Variants in CARD19 observed in about 807,000 individuals in gnomAD.
CARD19 encodes the protein caspase recruitment domain family member 19.
A neutral mutation model predicts 24.1 loss-of-function variants in CARD19; 25 were observed. The observed-to-expected ratio is 1.04, with a 90% CI of 0.76 to 1.45. The LOEUF (loss-of-function observed/expected upper bound fraction) is 1.45. Among genes scored for constraint, CARD19 ranks in the 40% most tolerant of loss-of-function variants. The pLI is 0.00. For synonymous variants in CARD19, 103 were observed against 104.9 expected, an observed-to-expected ratio of 0.98 and a Z score of 0.11; for missense variants, 241 against 247.4, an observed-to-expected ratio of 0.97 and a Z score of 0.17.
chr9:93,100,470 C>T (rs1239204943), intron 1 of CARD19, among the ~76,000 whole-genome samples: 2 of 152,256 alleles, frequency 1.3e-5, no homozygotes, highest in Non-Finnish European at 2.9e-5. Context: ...CCACCGCGCC[C>T]AGCCTTCATT....
At chr9:93,100,760 T>C (rs980956514) in intron 1 of CARD19, among the ~76,000 whole-genome samples, 5 of 152,174 alleles carry the variant, frequency 3.3e-5, no homozygotes. Context: ...CTGTATTCTA[T>C]TTTCTGTCTC....
chr9:93,112,349 G>T, intron 5 of CARD19, 60 bp downstream of exon 5: 1 of 1,468,040 alleles, frequency 6.8e-7, no homozygotes, highest in African/African-American at 1.4e-5. Context: ...CCAAGCCAGG[G>T]CCCCAGACCC....
intron 1 of CARD19, among the ~76,000 whole-genome samples, chr9:93,106,821 G>A (rs1827282194): frequency 6.6e-6 from 1 of 152,024 alleles, no homozygotes; most frequent in Admixed American, 6.6e-5. Flanking sequence ...GGGGAAACAG[G>A]ACAAGCTGCC....
intron 3 of CARD19, 176 bp downstream of exon 3, chr9:93,110,897 A>G: frequency 6.5e-7 from 1 of 1,533,244 alleles, no homozygotes; most frequent in Non-Finnish European, 8.7e-7. Flanking sequence ...CCGAGGGGAG[A>G]GTGTGGCAGG....
At chr9:93,110,338 C>T in intron 2 of CARD19, 1 of 652,004 alleles carries the variant, frequency 1.5e-6, no homozygotes, top group Non-Finnish European at 2.5e-6. Flanking sequence ...TGTTTCCCAA[C>T]CTCCCACCCC....
chr9:93,102,255 A>T (rs1426781184), intron 1 of CARD19, among the ~76,000 whole-genome samples: 1 of 152,140 alleles, frequency 6.6e-6, no homozygotes, highest in Non-Finnish European at 1.5e-5. Flanking sequence ...TACAGGTGTG[A>T]GCCACTGCAC....
intron 1 of CARD19, among the ~76,000 whole-genome samples, chr9:93,105,202 G>A (rs1298191119): frequency 4.9e-5 from 1 of 20,220 alleles, no homozygotes; most frequent in Non-Finnish European, 8.1e-4. Flanking sequence ...GTGTGCGTGT[G>A]TGTGTGTGTG....
chr9:93,101,671 T>A (rs1055105863), intron 1 of CARD19, among the ~76,000 whole-genome samples: 1 of 151,172 alleles, frequency 6.6e-6, no homozygotes, highest in Non-Finnish European at 1.5e-5. Flanking sequence ...ATCTCCTGAC[T>A]GCATGATCTG....
intron 4 of CARD19, 89 bp from the exon 5 acceptor site, chr9:93,112,129 C>A: frequency 7.1e-7 from 1 of 1,401,236 alleles, no homozygotes. Context: ...CTCAGCCTGG[C>A]ACCCCCACTC....
At chr9:93,103,916 T>A (rs1238888655) in intron 1 of CARD19, among the ~76,000 whole-genome samples, 1 of 152,262 alleles carries the variant, frequency 6.6e-6, no homozygotes, top group Non-Finnish European at 1.5e-5. Context: ...CATTAGGTTC[T>A]ATCTCTCAGT....
Position 93,096,408 on chromosome 9 carries a change from G to A in CARD19, c.7+56G>A. On this transcript the variant is annotated intron_variant, in intron 1 of 5. Coordinates refer to ENST00000375464, the MANE Select transcript of CARD19 (RefSeq NM_032310.5). This position sits in a 1 kb window ranked among gnomAD's most constrained non-coding sequence, Gnocchi z 5.4. Reference sequence around the variant, plus strand: ...TGCGGGCGCCCTGGATGGGTGGCCCGGCCCGGGGGTCCGGCTGCCTTGCGA... The same window carrying A: ...TGCGGGCGCCCTGGATGGGTGGCCCAGCCCGGGGGTCCGGCTGCCTTGCGA... 1 of 1,220,780 alleles carries A rather than the reference G, an allele frequency of 8.2e-7. No homozygotes were observed. The highest frequency in any genetic ancestry group is 1.0e-6 in the Non-Finnish European group (1 of 979,904). The allele number at this position is 1,220,780 out of a possible 1,614,324, so 75.6% of individuals were successfully genotyped here. A position where few individuals can be genotyped will look rare whatever the true frequency, so the allele number is the denominator to read the frequency against.
At chr9:93,103,960 G>A (rs1384541834) in intron 1 of CARD19, among the ~76,000 whole-genome samples, 1 of 152,182 alleles carries the variant, frequency 6.6e-6, no homozygotes, top group Admixed American at 6.6e-5. Context: ...TCCAATACAT[G>A]CTTGTTGACA....
At chr9:93,110,779 G>C (rs1248525221) in intron 3 of CARD19, 58 bp downstream of exon 3, 17 of 1,560,226 alleles carry the variant, frequency 1.1e-5, no homozygotes, top group Non-Finnish European at 1.5e-5. Context: ...GGGCACCCCA[G>C]CCTGCCGTTG....
intron 3 of CARD19, chr9:93,110,987 A>G (rs1181861659): frequency 6.6e-7 from 1 of 1,504,990 alleles, no homozygotes; most frequent in East Asian, 2.6e-5. Flanking sequence ...GTTTTCACAC[A>G]GCATGGGGCA....
chr9:93,098,152 T>C lies in CARD19; in HGVS notation c.7+1800T>C, dbSNP rs564336243. On this transcript the variant is annotated intron_variant, in intron 1 of 5. Transcript: ENST00000375464. ...TGTGCCGGGGAGTGAGCAGTTTTAG[T>C]TGGGCTGAGCACTGAGAGAAGGGGT... 4.6e-5 allele frequency among the ~76,000 whole-genome samples: 7 copies of C among 152,328 alleles called. No homozygotes were observed. The South Asian group carries it at 1.5e-3, about 32-fold the overall frequency.
intron 1 of CARD19, among the ~76,000 whole-genome samples, chr9:93,100,929 T>C (rs1001393844): frequency 3.9e-5 from 6 of 152,258 alleles, no homozygotes; most frequent in Admixed American, 2.6e-4. Context: ...CTGAGTAATA[T>C]TCCATTGTAC....
intron 3 of CARD19, 42 bp downstream of exon 3, chr9:93,110,763 C>T (rs376163709): frequency 1.3e-5 from 20 of 1,582,592 alleles, no homozygotes; most frequent in African/African-American, 6.7e-5. Context: ...GGTGCTGGCC[C>T]GGGGAGGGCA....
chr9:93,111,585 C>A, intron 3 of CARD19: 1 of 1,268,216 alleles, frequency 7.9e-7, no homozygotes, highest in Non-Finnish European at 1.0e-6. Context: ...CCCTCCCCAG[C>A]CACGAGTATG....
intron 2 of CARD19, 91 bp from the exon 3 acceptor site, chr9:93,110,477 C>T (rs1368328449): frequency 1.2e-5 from 18 of 1,508,280 alleles, no homozygotes; most frequent in Non-Finnish European, 1.6e-5. Flanking sequence ...AACAGGGAAG[C>T]TGAGGCTGGG....
Sources: allele counts gnomAD v4.1 joint callset (sites outside exome capture counted in the v4.1 genomes callset), GRCh38; gene constraint gnomAD v4.1.1; non-coding constraint Gnocchi (gnomAD v3.1); transcripts MANE v1.5; gene names NCBI Gene and HGNC (gene_info 2026-07-23, HGNC 2026-07-21).